PCDHGA11: variants seen among roughly 807,000 people sequenced by gnomAD.
The protein encoded by PCDHGA11 is protocadherin gamma-A11.
Under a neutral mutation model 60.4 loss-of-function variants are expected in PCDHGA11, and 39 were observed. That is an observed-to-expected ratio of 0.65 (90% CI 0.50 to 0.84). The LOEUF is 0.84. Ranked by LOEUF, PCDHGA11 falls within the 40% of genes least tolerant of loss-of-function variation. PCDHGA11 has a pLI of 0.00. For synonymous variants in PCDHGA11, 533 were observed against 510.3 expected, an observed-to-expected ratio of 1.04 and a Z score of -0.60; for missense variants, 1,165 against 1,197.7, an observed-to-expected ratio of 0.97 and a Z score of 0.40.
chr5:141,485,920 T>G lies in PCDHGA11; in HGVS notation c.2434-8887T>G. 4 of 1,614,038 alleles carry G rather than the reference T, an allele frequency of 2.5e-6. No individual in the cohort carries two copies. Among genetic ancestry groups the G allele is most frequent in the Non-Finnish European group, 3.4e-6 (4 of 1,180,010 alleles). ...CCTTCCAGCAATCCAGCTACAGGAT[T>G]AGTGTGTTGGAGAGCGCACCAGCGG... On this transcript the variant is annotated intron_variant, in intron 1 of 3. Transcript: ENST00000398587. The surrounding 1 kb of genome is among the most constrained non-coding windows in gnomAD (Gnocchi z 5.7).
chr5:141,455,541 A>G (rs2098825752), intron 1 of PCDHGA11, among the ~76,000 whole-genome samples: 1 of 152,134 alleles, frequency 6.6e-6, no homozygotes, highest in African/African-American at 2.4e-5. Context: ...CATATCATTC[A>G]CGTAGCCCGA....
At chr5:141,503,230 G>A (rs911238781) in intron 2 of PCDHGA11, among the ~76,000 whole-genome samples, 1 of 152,006 alleles carries the variant, frequency 6.6e-6, no homozygotes, top group African/African-American at 2.4e-5. Context: ...CCGTAAAGAT[G>A]GACAGTTTCT....
intron 1 of PCDHGA11, chr5:141,427,723 G>T: frequency 8.9e-7 from 1 of 1,127,490 alleles, no homozygotes; most frequent in East Asian, 2.4e-5. Flanking sequence ...CTGGACCTAG[G>T]GCTGAATGGC....
At chr5:141,478,425 A>G (rs1454100826) in intron 1 of PCDHGA11, 1 of 1,613,542 alleles carries the variant, frequency 6.2e-7, no homozygotes, top group African/African-American at 1.3e-5. Context: ...CGCCGCAGCG[A>G]CCCGCTGCTG....
chr5:141,448,706 C>G (rs1344013319), intron 1 of PCDHGA11, among the ~76,000 whole-genome samples: 1 of 151,732 alleles, frequency 6.6e-6, no homozygotes, highest in African/African-American at 2.4e-5. Context: ...TTTGGGAGGC[C>G]GAGGCGGGAG....
At chr5:141,430,149 C>T (rs1051033560) in intron 1 of PCDHGA11, among the ~76,000 whole-genome samples, 4 of 151,968 alleles carry the variant, frequency 2.6e-5, no homozygotes, top group African/African-American at 9.7e-5. Flanking sequence ...CAGGATCATT[C>T]AAGGAATCTA....
At position 141,487,063 on chromosome 5, in the gene PCDHGA11, G is replaced by T; in HGVS notation, c.2434-7744G>T. The T allele has an allele frequency of 6.2e-7, 1 of 1,614,086 alleles. No homozygotes were observed. ...CTCGATATGCTGGGGAGGTGCGGACGGCTGTTCCTATCCCAGCTGACCTCC... is the reference window on the plus strand; with the variant it reads ...CTCGATATGCTGGGGAGGTGCGGACTGCTGTTCCTATCCCAGCTGACCTCC... On this transcript the variant is annotated intron_variant, in intron 1 of 3. Coordinates refer to ENST00000398587, the MANE Select transcript of PCDHGA11 (RefSeq NM_018914.3). The surrounding 1 kb of genome is among the most constrained non-coding windows in gnomAD (Gnocchi z 5.0).
At chr5:141,443,499 A>T (rs533910381) in intron 1 of PCDHGA11, among the ~76,000 whole-genome samples, 1 of 152,268 alleles carries the variant, frequency 6.6e-6, no homozygotes, top group African/African-American at 2.4e-5. Context: ...ACAAACAAAC[A>T]AATAAAGAGC....
Position 141,439,149 on chromosome 5 carries a change from C to T in PCDHGA11, c.2433+15489C>T, listed in dbSNP as rs543388568. Reference sequence around the variant, plus strand: ...CAGAGGTTGCAGTGAGCTGAGATCACGCCACTGCACTCCAGCCTGGGCGAC... The same window carrying T: ...CAGAGGTTGCAGTGAGCTGAGATCATGCCACTGCACTCCAGCCTGGGCGAC... On this transcript the variant is annotated intron_variant, in intron 1 of 3. Transcript: ENST00000398587. Among the ~76,000 whole-genome samples, 165 of 150,018 alleles carry T rather than the reference C, an allele frequency of 1.1e-3. 1 individual carries two copies. In the Middle Eastern group the frequency reaches 0.017, roughly 16 times the overall value.
intron 1 of PCDHGA11, among the ~76,000 whole-genome samples, chr5:141,492,593 A>T (rs907659087): frequency 1.3e-5 from 2 of 152,100 alleles, no homozygotes; most frequent in African/African-American, 4.8e-5. Context: ...GGAGCGCTGG[A>T]GCGACTGCCG....
chr5:141,427,924 G>T, intron 1 of PCDHGA11: 1 of 1,580,140 alleles, frequency 6.3e-7, no homozygotes, highest in Non-Finnish European at 8.7e-7. Flanking sequence ...ATGAGCCGGC[G>T]CATGTTGGTG....
chr5:141,456,140 G>A (rs1032104368), intron 1 of PCDHGA11, among the ~76,000 whole-genome samples: 38 of 152,022 alleles, frequency 2.5e-4, no homozygotes, highest in African/African-American at 8.7e-4. Flanking sequence ...CTCCTGATCC[G>A]CCCGCCTCGG....
chr5:141,430,804 G>T, intron 1 of PCDHGA11: 2 of 1,525,868 alleles, frequency 1.3e-6, no homozygotes, highest in Non-Finnish European at 1.8e-6. Context: ...GGCTTGTCCT[G>T]CTGGGAATCC....
In PCDHGA11 at chr5:141,423,113, C is replaced by G. The variant is rs2096710947; in HGVS notation, c.1886C>G (p.Thr629Arg). The change falls in exon 1 of 4, where the codon ACA becomes AGA. Residue 629 changes from threonine (T) to arginine (R), a missense_variant. By Grantham distance (71) the Thr-to-Arg change is moderately conservative. Coordinates refer to ENST00000398587, the MANE Select transcript of PCDHGA11 (RefSeq NM_018914.3). The stretch of plus-strand genomic sequence containing the variant: ...GGGGAGCACACGGGCGAGGTGCGTA[C>G]AGCGCGGGCACTGCTGGACAGAGAC... ...AVGEHTGEVR[T>R]ARALLDRDAL... The G allele has an allele frequency of 1.9e-6, 3 of 1,613,702 alleles. No homozygotes were observed. The highest frequency in any genetic ancestry group is 2.5e-6 in the Non-Finnish European group (3 of 1,179,992).
chr5:141,505,621 A>G (rs1170133157), intron 3 of PCDHGA11, 140 bp downstream of exon 3: 5 of 1,495,758 alleles, frequency 3.3e-6, no homozygotes, highest in South Asian at 2.6e-5. Context: ...AGGACCCACA[A>G]TTCCAAACAT....
Position 141,431,359 on chromosome 5 carries a change from G to A in PCDHGA11, c.2433+7699G>A. 1 of 1,614,024 alleles carries A rather than the reference G, an allele frequency of 6.2e-7. No homozygotes were observed. The highest frequency in any genetic ancestry group is 8.5e-7 in the Non-Finnish European group (1 of 1,180,030). On this transcript the variant is annotated intron_variant, in intron 1 of 3. Transcript: ENST00000398587. This position sits in a 1 kb window ranked among gnomAD's most constrained non-coding sequence, Gnocchi z 4.8. ...CCGAATTGGTGCTGAAACGCGCCCTGGACCGCGAAGAAAAGGCTGCTCACC... is the reference window on the plus strand; with the variant it reads ...CCGAATTGGTGCTGAAACGCGCCCTAGACCGCGAAGAAAAGGCTGCTCACC...
intron 2 of PCDHGA11, among the ~76,000 whole-genome samples, chr5:141,505,122 A>G (rs2099843899): frequency 6.6e-6 from 1 of 152,194 alleles, no homozygotes; most frequent in Non-Finnish European, 1.5e-5. Context: ...AGATCGCGCC[A>G]CTGCACTCCA....
In PCDHGA11 at chr5:141,511,580, G is replaced by A. The variant is rs1436011320; in HGVS notation, c.*407G>A. ...CTCTTTCCCGAGTAAGGTGGTTGGG[G>A]TGTTGAAGTACCAAGTAACCTACAA... On this transcript the variant is annotated 3_prime_UTR_variant, in exon 4 of 4. Coordinates refer to ENST00000398587, the MANE Select transcript of PCDHGA11 (RefSeq NM_018914.3). 2 of 282,206 alleles carry A rather than the reference G, an allele frequency of 7.1e-6. No individual in the cohort carries two copies. Among genetic ancestry groups the A allele is most frequent in the Admixed American group, 4.6e-5 (1 of 21,516 alleles). The allele number at this position is 282,206 out of a possible 1,614,324, so 17.5% of individuals were successfully genotyped here.
At chr5:141,483,967 G>C (rs2099589454) in intron 1 of PCDHGA11, among the ~76,000 whole-genome samples, 1 of 149,276 alleles carries the variant, frequency 6.7e-6, no homozygotes, top group African/African-American at 2.5e-5. Flanking sequence ...TTCTGTGCTT[G>C]TGCAAGGGAG....
Sources: gnomAD v4.1 joint callset for allele counts (sites outside exome capture counted in the v4.1 genomes callset) on GRCh38, gnomAD v4.1.1 for gene constraint, Gnocchi (gnomAD v3.1) non-coding constraint, MANE v1.5 for transcripts, NCBI Gene and HGNC (gene_info 2026-07-23, HGNC 2026-07-21) for gene names.